Variants in OSBPL10 observed in about 807,000 individuals in gnomAD.
OSBPL10 encodes the protein oxysterol-binding protein-related protein 10.
Under a neutral mutation model 81.7 loss-of-function variants are expected in OSBPL10, and 49 were observed. The ratio of observed to expected loss-of-function variants is 0.60; its 90% CI spans 0.48 to 0.76. The LOEUF (loss-of-function observed/expected upper bound fraction) is 0.76, where lower values mean the gene tolerates loss of function less well. Among genes scored for constraint, OSBPL10 ranks in the 30% least tolerant of loss-of-function variants. The pLI, the probability that OSBPL10 is intolerant of heterozygous loss-of-function variation, is 0.00. For synonymous variants in OSBPL10, 419 were observed against 383.6 expected, an observed-to-expected ratio of 1.09 and a Z score of -1.08; for missense variants, 923 against 987.8, an observed-to-expected ratio of 0.93 and a Z score of 0.88.
chr3:31,834,518 T>C (rs1178903804), intron 3 of OSBPL10, among the ~76,000 whole-genome samples: 1 of 151,846 alleles, frequency 6.6e-6, no homozygotes, highest in Admixed American at 6.6e-5. Context: ...TGTCCAGGCA[T>C]CTGCACATAA....
rs117702256 is a variant in OSBPL10 at position 31,873,302 on chromosome 3, A to G, written c.537+3131T>C. On this transcript the variant is annotated intron_variant, in intron 3 of 11. Coordinates refer to ENST00000396556, the MANE Select transcript of OSBPL10 (RefSeq NM_017784.5). ...TTTAACCATCCAAAAGCAAAGCAAC[A>G]TAATTTTTGAAAAAAAGAGTAGTCG... Among the ~76,000 whole-genome samples, 335 of 152,318 alleles carry G rather than the reference A, an allele frequency of 2.2e-3. 14 individuals carry two copies. In the South Asian group the frequency reaches 0.051, roughly 23 times the overall value.
At chr3:31,810,998 G>A (rs1248012214) in intron 4 of OSBPL10, among the ~76,000 whole-genome samples, 3 of 152,196 alleles carry the variant, frequency 2.0e-5, no homozygotes, top group Non-Finnish European at 2.9e-5. Flanking sequence ...GTTTCCAGGT[G>A]TCGAGGAGGT....
At chr3:31,927,785 T>C (rs1469536302) in intron 1 of OSBPL10, among the ~76,000 whole-genome samples, 4 of 152,170 alleles carry the variant, frequency 2.6e-5, no homozygotes, top group African/African-American at 9.7e-5. Flanking sequence ...AGGAACACCT[T>C]ATCTAAAACA....
intron 11 of OSBPL10, chr3:31,662,597 A>G (rs906964426): frequency 1.0e-6 from 1 of 995,442 alleles, no homozygotes; most frequent in Non-Finnish European, 1.2e-6. Context: ...CAAGTGAGAA[A>G]AAGGCAAGAA....
chr3:31,742,435 TA>T (rs66762473), intron 5 of OSBPL10, among the ~76,000 whole-genome samples: 47,358 of 151,916 alleles, frequency 0.31, 7,603 homozygotes, highest in Middle Eastern at 0.37. Flanking sequence ...AAGGAAAGTA[TA>T]TTAAATTCTG....
intron 7 of OSBPL10, chr3:31,701,556 TGGAGTAACTGGCTG>T (rs1695896536): frequency 6.6e-6 from 1 of 152,180 alleles, no homozygotes. Flanking sequence ...GGCTCCCAAC[TGGAGTAACTGGCTG>T]GGAGTGGAGC....
chr3:31,865,036 A>G (rs1384339430), intron 3 of OSBPL10, among the ~76,000 whole-genome samples: 1 of 152,134 alleles, frequency 6.6e-6, no homozygotes, highest in Non-Finnish European at 1.5e-5. Flanking sequence ...CCGAGGTCCT[A>G]AAGAAGACCA....
chr3:31,929,006 C>T (rs1697160959), intron 1 of OSBPL10, among the ~76,000 whole-genome samples: 1 of 152,102 alleles, frequency 6.6e-6, no homozygotes, highest in Non-Finnish European at 1.5e-5. Flanking sequence ...TACCTCATTC[C>T]CAAGCCTGCA....
At chr3:31,769,824 C>T (rs561589931) in intron 4 of OSBPL10, among the ~76,000 whole-genome samples, 3 of 152,110 alleles carry the variant, frequency 2.0e-5, no homozygotes, top group African/African-American at 7.2e-5. Context: ...TCACTTAACT[C>T]CAGCCAAGAG....
intron 1 of OSBPL10, among the ~76,000 whole-genome samples, chr3:31,967,781 G>A (rs1213034410): frequency 6.6e-6 from 1 of 152,130 alleles, no homozygotes; most frequent in Non-Finnish European, 1.5e-5. Context: ...TTAATCTCTG[G>A]AATTGCCTAA....
intron 6 of OSBPL10, among the ~76,000 whole-genome samples, chr3:31,722,374 C>T (rs1696672276): frequency 6.6e-6 from 1 of 152,122 alleles, no homozygotes; most frequent in Non-Finnish European, 1.5e-5. Context: ...CTCATGTCTG[C>T]AGGGCACAAG....
chr3:32,026,033 T>C (rs565943393), intron 2 of OSBPL10, among the ~76,000 whole-genome samples: 3 of 122,974 alleles, frequency 2.4e-5, no homozygotes, highest in Admixed American at 8.8e-5. Context: ...GATAGATAGA[T>C]AGATAGATAG....
intron 5 of OSBPL10, among the ~76,000 whole-genome samples, chr3:31,742,607 T>A (rs892180996): frequency 6.6e-6 from 1 of 152,218 alleles, no homozygotes; most frequent in Non-Finnish European, 1.5e-5. Context: ...TACAGCATCT[T>A]GCTGTTAATG....
At chr3:31,877,041 C>CT (rs1455392052) in intron 2 of OSBPL10, among the ~76,000 whole-genome samples, 1 of 151,888 alleles carries the variant, frequency 6.6e-6, no homozygotes, top group Non-Finnish European at 1.5e-5. Context: ...GTAGCTGGGA[C>CT]TACAGGCACC....
intron 8 of OSBPL10, among the ~76,000 whole-genome samples, chr3:31,674,198 A>G (rs2125522299): frequency 6.6e-6 from 1 of 152,146 alleles, no homozygotes; most frequent in Middle Eastern, 3.4e-3. Context: ...GGCCATCCTA[A>G]CAGTAATGAG....
intron 4 of OSBPL10, among the ~76,000 whole-genome samples, chr3:31,807,618 G>A (rs1699555679): frequency 6.6e-6 from 1 of 151,752 alleles, no homozygotes; most frequent in Non-Finnish European, 1.5e-5. Context: ...CGTGCCTGTG[G>A]TCCCAACTAC....
At position 31,808,350 on chromosome 3, in the gene OSBPL10, C is replaced by T. The variant is rs753114867; in HGVS notation, c.729+21690G>A. ...GCTCACACTGACACTGAGGTCTTGT[C>T]AGGTGTCATGTTGGGAGACTGAGGT... is the stretch of plus-strand genomic sequence containing the variant. On this transcript the variant is annotated intron_variant, in intron 4 of 11. Transcript: ENST00000396556. Among the ~76,000 whole-genome samples, 23 of 152,194 alleles carry T rather than the reference C, an allele frequency of 1.5e-4. 1 individual carries two copies. Among genetic ancestry groups the T allele is most frequent in the Non-Finnish European group, 4.4e-5 (3 of 68,040 alleles).
chr3:31,816,092 G>C (rs1699826576), intron 4 of OSBPL10, among the ~76,000 whole-genome samples: 2 of 77,100 alleles, frequency 2.6e-5, no homozygotes, highest in Non-Finnish European at 5.6e-5. Flanking sequence ...AGGAGGAAAG[G>C]TTTGAAAGGT....
rs1317931670 is a variant in OSBPL10, at chr3:31,912,794, A to G, written c.282-32964T>C. On this transcript the variant is annotated intron_variant, in intron 1 of 11. Coordinates refer to ENST00000396556, the MANE Select transcript of OSBPL10 (RefSeq NM_017784.5). Reference sequence around the variant, plus strand: ...GCTCTGAGCCTTTTCCTGCCACAGCAGGCATGATGGATGGAGCTCACAAGC... The same window carrying G: ...GCTCTGAGCCTTTTCCTGCCACAGCGGGCATGATGGATGGAGCTCACAAGC... Among the ~76,000 whole-genome samples the G allele has an allele frequency of 3.3e-5, 5 of 152,330 alleles. No individual in the cohort carries two copies. In the East Asian group the frequency reaches 9.6e-4, roughly 29 times the overall value.
Sources: allele counts gnomAD v4.1 joint callset (sites outside exome capture counted in the v4.1 genomes callset), GRCh38; gene constraint gnomAD v4.1.1; transcripts MANE v1.5; gene names NCBI Gene and HGNC (gene_info 2026-07-23, HGNC 2026-07-21).